CDKAL1: variants seen among roughly 807,000 people sequenced by gnomAD.
CDKAL1 encodes the protein CDKAL1 threonylcarbamoyladenosine tRNA methylthiotransferase, also known as threonylcarbamoyladenosine tRNA methylthiotransferase.
Under a neutral mutation model 68.2 loss-of-function variants are expected in CDKAL1, and 32 were observed. The ratio of observed to expected loss-of-function variants is 0.47; its 90% CI spans 0.35 to 0.63. The LOEUF is 0.63. Among genes scored for constraint, CDKAL1 ranks in the 30% least tolerant of loss-of-function variants. The pLI is 0.00. For missense variants in CDKAL1, 606 were observed against 696.7 expected (o/e 0.87, Z 1.47); for synonymous variants, 234 against 244.3 (o/e 0.96, Z 0.39).
intron 9 of CDKAL1, among the ~76,000 whole-genome samples, chr6:20,848,469 G>A (rs775030171): frequency 2.7e-4 from 41 of 152,236 alleles, no homozygotes; most frequent in African/African-American, 7.9e-4. Flanking sequence ...AATTTACAGC[G>A]TATTGCTTCT....
chr6:21,050,544 T>C (rs1016751271), intron 11 of CDKAL1, among the ~76,000 whole-genome samples: 1 of 152,186 alleles, frequency 6.6e-6, no homozygotes, highest in African/African-American at 2.4e-5. Context: ...GAAAGTTCCT[T>C]TCTTGTGGCT....
intron 11 of CDKAL1, among the ~76,000 whole-genome samples, chr6:21,019,387 C>A (rs906530521): frequency 6.6e-6 from 1 of 152,068 alleles, no homozygotes; most frequent in African/African-American, 2.4e-5. Context: ...TACAGTTGCC[C>A]ATTTGTTACG....
chr6:20,718,172 G>A (rs1054380303), intron 5 of CDKAL1, among the ~76,000 whole-genome samples: 13 of 152,136 alleles, frequency 8.5e-5, no homozygotes, highest in African/African-American at 2.7e-4. Flanking sequence ...AGAGACCAAC[G>A]TTAATTCATC....
Position 21,231,884 on chromosome 6 carries a change from T to C in CDKAL1, c.*845T>C, listed in dbSNP as rs144696786. The C allele has an allele frequency of 4.6e-5, 7 of 152,214 alleles. No homozygotes were observed. The highest frequency in any genetic ancestry group is 1.4e-4 in the African/African-American group (6 of 41,530). 9.4% of individuals were successfully genotyped at this position (152,214 alleles called of 1,614,324 possible). A position where few individuals can be genotyped will look rare whatever the true frequency, so the allele number is the denominator to read the frequency against. ...ATGCTTTTGGAATGCACGGGGAGAG[T>C]CTGCCAGCTAAAGGACTCCTGGCAA... On this transcript the variant is annotated 3_prime_UTR_variant, in exon 16 of 16. Coordinates refer to ENST00000274695, the MANE Select transcript of CDKAL1 (RefSeq NM_017774.3).
chr6:21,034,046 A>G (rs1486362463), intron 11 of CDKAL1, among the ~76,000 whole-genome samples: 1 of 152,210 alleles, frequency 6.6e-6, no homozygotes, highest in Non-Finnish European at 1.5e-5. Flanking sequence ...ATCTGGAACC[A>G]GCTAGGGAAA....
chr6:20,578,333 C>T (rs1269294144), intron 4 of CDKAL1, among the ~76,000 whole-genome samples: 1 of 152,042 alleles, frequency 6.6e-6, no homozygotes, highest in Non-Finnish European at 1.5e-5. Flanking sequence ...ACCTCTCTCC[C>T]ATCAACCCTC....
At chr6:20,764,084 G>A (rs1774589027) in intron 7 of CDKAL1, among the ~76,000 whole-genome samples, 1 of 151,718 alleles carries the variant, frequency 6.6e-6, no homozygotes, top group Non-Finnish European at 1.5e-5. Flanking sequence ...ACTTTTTTTT[G>A]TATGAAAACT....
Position 20,905,812 on chromosome 6 carries a change from A to G in CDKAL1, c.743-49607A>G, listed in dbSNP as rs1372777577. Among the ~76,000 whole-genome samples the G allele has an allele frequency of 2.6e-5, 4 of 152,188 alleles. 1 individual carries two copies. The highest frequency in any genetic ancestry group is 2.0e-4 in the Admixed American group (3 of 15,280). On this transcript the variant is annotated intron_variant, in intron 9 of 15. Coordinates refer to ENST00000274695, the MANE Select transcript of CDKAL1 (RefSeq NM_017774.3). ...AGAAAAAAGAAAAAAACAAAACAAC[A>G]CAAAACAAACCCAGACAGCCAAAGA...
intron 4 of CDKAL1, among the ~76,000 whole-genome samples, chr6:20,562,416 G>GA (rs528819922): frequency 5.5e-4 from 84 of 152,070 alleles, no homozygotes; most frequent in Middle Eastern, 3.4e-3. Context: ...TACTAAAGAT[G>GA]AAAAAAGGAG....
In CDKAL1 at chr6:21,203,048, C is replaced by CTTGT. The variant is rs574527417; in HGVS notation, c.1548+1789_1548+1792dup. Among the ~76,000 whole-genome samples the CTTGT allele has an allele frequency of 1.6e-3, 248 of 151,588 alleles. 1 individual carries two copies. Among genetic ancestry groups the CTTGT allele is most frequent in the African/African-American group, 5.7e-3 (235 of 41,360 alleles). On this transcript the variant is annotated intron_variant, in intron 15 of 15. Coordinates refer to ENST00000274695, the MANE Select transcript of CDKAL1 (RefSeq NM_017774.3). ...AGAAACAGTAAGGCTTTTGTTGGTT[C>CTTGT]TTGTTTGTTTGTTTGTTTTGAGAGA...
intron 9 of CDKAL1, among the ~76,000 whole-genome samples, chr6:20,934,032 G>A (rs928068444): frequency 1.3e-5 from 2 of 151,544 alleles, no homozygotes; most frequent in Non-Finnish European, 2.9e-5. Context: ...AGTTAGAAAA[G>A]ACCAAGGATC....
At chr6:20,668,376 A>G (rs935054646) in intron 5 of CDKAL1, among the ~76,000 whole-genome samples, 5 of 152,246 alleles carry the variant, frequency 3.3e-5, no homozygotes, top group South Asian at 2.1e-4. Flanking sequence ...GCTGGAGTGG[A>G]GTGGCTATTT....
intron 11 of CDKAL1, among the ~76,000 whole-genome samples, chr6:21,006,192 A>C (rs1767717411): frequency 1.3e-5 from 2 of 152,172 alleles, no homozygotes; most frequent in Admixed American, 1.3e-4. Flanking sequence ...AATCTGATAA[A>C]GCTATGTTAC....
At chr6:20,941,577 T>G (rs1763974759) in intron 9 of CDKAL1, among the ~76,000 whole-genome samples, 1 of 152,224 alleles carries the variant, frequency 6.6e-6, no homozygotes, top group Non-Finnish European at 1.5e-5. Context: ...AATACATTGA[T>G]TGATTACACT....
chr6:21,091,787 A>T (rs1036283357), intron 12 of CDKAL1, among the ~76,000 whole-genome samples: 1 of 151,586 alleles, frequency 6.6e-6, no homozygotes, highest in East Asian at 1.9e-4. Context: ...TTCCATAATT[A>T]AACAATTCAA....
intron 13 of CDKAL1, among the ~76,000 whole-genome samples, chr6:21,149,252 G>A (rs1463938713): frequency 6.6e-6 from 1 of 151,888 alleles, no homozygotes; most frequent in East Asian, 1.9e-4. Context: ...CGTTTCTCCT[G>A]CCTCAGCCTC....
intron 9 of CDKAL1, among the ~76,000 whole-genome samples, chr6:20,911,294 CCAGGTCCTT>C (rs1249723622): frequency 6.6e-6 from 1 of 152,154 alleles, no homozygotes; most frequent in African/African-American, 2.4e-5. Context: ...AGAATCAAGA[CCAGGTCCTT>C]CAGTTCCAAG....
At chr6:20,988,735 C>T (rs192342008) in intron 10 of CDKAL1, among the ~76,000 whole-genome samples, 11 of 152,090 alleles carry the variant, frequency 7.2e-5, no homozygotes, top group South Asian at 2.1e-4. Context: ...CTGAAATCTC[C>T]GCCTCCCGGG....
chr6:20,735,357 A>G (rs1421645317), intron 5 of CDKAL1, among the ~76,000 whole-genome samples: 3 of 152,154 alleles, frequency 2.0e-5, no homozygotes, highest in African/African-American at 7.2e-5. Context: ...GCCTCAGGAA[A>G]CTTACAATCA....
Sources: gnomAD v4.1 joint callset for allele counts (sites outside exome capture counted in the v4.1 genomes callset) on GRCh38, gnomAD v4.1.1 for gene constraint, MANE v1.5 for transcripts, NCBI Gene and HGNC (gene_info 2026-07-23, HGNC 2026-07-21) for gene names.